The following RANBP6 variants were observed in gnomAD, a reference collection of about 807,000 sequenced individuals.
RANBP6 encodes RAN binding protein 6.
In RANBP6, 10 loss-of-function variants were observed where a neutral mutation model predicts 35.3. The ratio of observed to expected loss-of-function variants is 0.28; its 90% CI spans 0.17 to 0.48. The LOEUF is 0.48. Ranked by LOEUF, RANBP6 falls within the 20% of genes least tolerant of loss-of-function variation. The pLI, the probability that RANBP6 is intolerant of heterozygous loss-of-function variation, is 0.99. For synonymous variants in RANBP6, 514 were observed against 464.2 expected, an observed-to-expected ratio of 1.11 and a Z score of -1.38; for missense variants, 1,392 against 1,307.7, an observed-to-expected ratio of 1.06 and a Z score of -0.99.
In RANBP6 at chr9:6,014,557, G is replaced by C. The variant is rs1193786646; in HGVS notation, c.1051C>G (p.Leu351Val). ...CCAAGCCCACAAGCCAGTCTGTCTA[G>C]TGCACTCTCCGCAGCAACTGCATTG... Reference protein sequence around the residue: ...DSNAVAAESALDRLACGLGGK... With the variant: ...DSNAVAAESAVDRLACGLGGK... Residue 351 changes from leucine to valine, a missense_variant, in exon 1 of 1, where the codon CTA becomes GTA. Physicochemically the swap from Leu to Val is conservative, Grantham distance 32. Coordinates refer to ENST00000259569, the MANE Select transcript of RANBP6 (RefSeq NM_012416.4). The C allele has an allele frequency of 1.2e-6, 2 of 1,614,168 alleles. No individual in the cohort carries two copies. The highest frequency in any genetic ancestry group is 1.7e-6 in the Non-Finnish European group (2 of 1,180,040).
rs1313901627 is a variant in RANBP6 at position 6,011,835 on chromosome 9, C to T, written c.*455G>A. On this transcript the variant is annotated 3_prime_UTR_variant, in exon 1 of 1. Transcript: ENST00000259569. ...CAGCATCCTCCCATCACCACAAATA[C>T]CAAGAGTATTAATTAAAGAGGGACA... 1.3e-5 allele frequency: 2 copies of T among 153,710 alleles called. No individual in the cohort carries two copies. The highest frequency in any genetic ancestry group is 2.9e-5 in the Non-Finnish European group (2 of 69,100). 9.5% of individuals were successfully genotyped at this position (153,710 alleles called of 1,614,324 possible).
In RANBP6 at chr9:6,013,404, A is replaced by G; in HGVS notation, c.2204T>C (p.Met735Thr). The G allele has an allele frequency of 6.2e-7, 1 of 1,614,244 alleles. No homozygotes were observed. Among genetic ancestry groups the G allele is most frequent in the African/African-American group, 1.3e-5 (1 of 75,078 alleles). ...TCTTGCACATTCCAGGAGAAAAGGC[A>G]TGGACTCTGCTGCTGCCACTCGAAC... ...DNVRVAAAES[M>T]PFLLECARIR... The change falls in exon 1 of 1, where the codon ATG becomes ACG. Residue 735 changes from methionine (M) to threonine (T), a missense_variant. Physicochemically the swap from Met to Thr is moderately conservative, Grantham distance 81. Transcript: ENST00000259569.
Position 6,011,973 on chromosome 9 carries a change from T to C in RANBP6, c.*317A>G, listed in dbSNP as rs931056403. 1 of 187,598 alleles carries C rather than the reference T, an allele frequency of 5.3e-6. No homozygotes were observed. The highest frequency in any genetic ancestry group is 2.3e-5 in the African/African-American group (1 of 42,650). 11.6% of individuals were successfully genotyped at this position (187,598 alleles called of 1,614,324 possible). On this transcript the variant is annotated 3_prime_UTR_variant, in exon 1 of 1. Coordinates refer to ENST00000259569, the MANE Select transcript of RANBP6 (RefSeq NM_012416.4). ...GATAGCATGACATCTTCACATCAAG[T>C]ATACTGCTTGGCTAGCATCAATAAT...
Position 6,015,465 on chromosome 9 carries a change from C to T in RANBP6, c.143G>A (p.Cys48Tyr). The stretch of plus-strand genomic sequence containing the variant: ...GGCATCTAAGAGGAAGGTAGTCTTA[C>T]ACAGACCTGGGATATTTTCATAGAT... ...EEIYENIPGL[C>Y]KTTFLLDAVR... The change falls in exon 1 of 1, where the codon TGT (cysteine) becomes TAT (tyrosine). Residue 48 changes from cysteine to tyrosine, a missense_variant. By Grantham distance (194) the Cys-to-Tyr change is radical. Transcript: ENST00000259569. 2 of 1,614,170 alleles carry T rather than the reference C, an allele frequency of 1.2e-6. No individual in the cohort carries two copies. Among genetic ancestry groups the T allele is most frequent in the Non-Finnish European group, 1.7e-6 (2 of 1,180,048 alleles).
chr9:6,012,000 GT>G lies in RANBP6; in HGVS notation c.*289del, dbSNP rs1276019298. On this transcript the variant is annotated 3_prime_UTR_variant, in exon 1 of 1. Coordinates refer to ENST00000259569, the MANE Select transcript of RANBP6 (RefSeq NM_012416.4). ...TACTGCTTGGCTAGCATCAATAATA[GT>G]TCAAACAAATAGCAACAATTTATAT... 8.8e-6 allele frequency: 2 copies of G among 226,968 alleles called. No homozygotes were observed. Among genetic ancestry groups the G allele is most frequent in the East Asian group, 1.9e-4 (2 of 10,466 alleles). The allele number at this position is 226,968 out of a possible 1,614,324, so 14.1% of individuals were successfully genotyped here. A position where few individuals can be genotyped will look rare whatever the true frequency, so the allele number is the denominator to read the frequency against.
In RANBP6 at chr9:6,012,615, T is replaced by G; in HGVS notation, c.2993A>C (p.Asp998Ala). Residue 998 changes from aspartate to alanine, a missense_variant, in exon 1 of 1, where the codon GAT becomes GCT. Asp to Ala is a moderately radical substitution (Grantham distance 126). Coordinates refer to ENST00000259569, the MANE Select transcript of RANBP6 (RefSeq NM_012416.4). Reference sequence around the variant, plus strand: ...TGATAACCAGTGTGGAAGAACTTCATCTACATTTACACAGTTAGGCTTAAA... The same window carrying G: ...TGATAACCAGTGTGGAAGAACTTCAGCTACATTTACACAGTTAGGCTTAAA... The part of the protein sequence containing the change: ...LKFKPNCVNV[D>A]EVLPHWLSWL... The G allele has an allele frequency of 6.2e-7, 1 of 1,614,124 alleles. No individual in the cohort carries two copies. The highest frequency in any genetic ancestry group is 8.5e-7 in the Non-Finnish European group (1 of 1,179,992).
chr9:6,012,210 G>C lies in RANBP6; in HGVS notation c.*80C>G, dbSNP rs189972965. On this transcript the variant is annotated 3_prime_UTR_variant, in exon 1 of 1. Coordinates refer to ENST00000259569, the MANE Select transcript of RANBP6 (RefSeq NM_012416.4). Reference sequence around the variant, plus strand: ...CTTAGCAGGGAGAAAACAGTTCTCTGATTTATAATAAAATCTATTCACAAC... The same window carrying C: ...CTTAGCAGGGAGAAAACAGTTCTCTCATTTATAATAAAATCTATTCACAAC... 9.0e-7 allele frequency: 1 copy of C among 1,108,906 alleles called. No homozygotes were observed. Among genetic ancestry groups the C allele is most frequent in the Non-Finnish European group, 1.2e-6 (1 of 804,956 alleles). The allele number at this position is 1,108,906 out of a possible 1,614,324, so 68.7% of individuals were successfully genotyped here.
rs368154344 is a variant in RANBP6 at position 6,012,595 on chromosome 9, A to C, written c.3013T>G (p.Leu1005Val). The change falls in exon 1 of 1, where the codon TTA becomes GTA. Residue 1005 changes from leucine (L) to valine (V), a missense_variant. Transcript: ENST00000259569. ...TCTTCATGCAGTGGAAGCCATGATA[A>C]CCAGTGTGGAAGAACTTCATCTACA... ...VNVDEVLPHW[L>V]SWLPLHEDKE... is the part of the protein sequence containing the mutation. 6.2e-7 allele frequency: 1 copy of C among 1,614,104 alleles called. No homozygotes were observed. The highest frequency in any genetic ancestry group is 8.5e-7 in the Non-Finnish European group (1 of 1,180,000).
rs767813685 is a variant in RANBP6 at position 6,014,253 on chromosome 9, G to A, written c.1355C>T (p.Ala452Val). Reference sequence around the variant, plus strand: ...ATTTTCCATGGTACGTAACAGAGCTGCAATCACTGTTTCATGAAATTTCTT... The same window carrying A: ...ATTTTCCATGGTACGTAACAGAGCTACAATCACTGTTTCATGAAATTTCTT... ...FQKKFHETVI[A>V]ALLRTMENQG... is the part of the protein sequence containing the mutation. Residue 452 changes from alanine (A) to valine (V), a missense_variant, in exon 1 of 1, where the codon GCA (alanine) becomes GTA (valine). By Grantham distance (64) the Ala-to-Val change is moderately conservative. Transcript: ENST00000259569. 1 of 1,614,144 alleles carries A rather than the reference G, an allele frequency of 6.2e-7. No individual in the cohort carries two copies. The highest frequency in any genetic ancestry group is 8.5e-7 in the Non-Finnish European group (1 of 1,180,008).
chr9:6,012,424 C>T lies in RANBP6; in HGVS notation c.3184G>A (p.Glu1062Lys). 6.2e-7 allele frequency: 1 copy of T among 1,614,014 alleles called. No individual in the cohort carries two copies. The highest frequency in any genetic ancestry group is 8.5e-7 in the Non-Finnish European group (1 of 1,179,926). ...EGKINETINY[E>K]DPCAKRLANV... is the part of the protein sequence containing the mutation. ...GCTAGGCGTTTGGCACAAGGATCCTCATAGTTAATAGTCTCATTAATTTTT... is the reference window on the plus strand; with the variant it reads ...GCTAGGCGTTTGGCACAAGGATCCTTATAGTTAATAGTCTCATTAATTTTT... Residue 1062 changes from glutamate (E) to lysine (K), a missense_variant, in exon 1 of 1, where the codon GAG (glutamate) becomes AAG (lysine). By Grantham distance (56) the Glu-to-Lys change is moderately conservative. Transcript: ENST00000259569.
Position 6,011,855 on chromosome 9 carries a change from G to A in RANBP6, c.*435C>T, listed in dbSNP as rs755327757. On this transcript the variant is annotated 3_prime_UTR_variant, in exon 1 of 1. Transcript: ENST00000259569. Reference sequence around the variant, plus strand: ...AAATACCAAGAGTATTAATTAAAGAGGGACAAGCCTGCCACTATATCCTTC... The same window carrying A: ...AAATACCAAGAGTATTAATTAAAGAAGGACAAGCCTGCCACTATATCCTTC... 68 of 154,156 alleles carry A rather than the reference G, an allele frequency of 4.4e-4. No homozygotes were observed. The highest frequency in any genetic ancestry group is 8.4e-4 in the Non-Finnish European group (58 of 69,358). The allele number at this position is 154,156 out of a possible 1,614,324, so 9.5% of individuals were successfully genotyped here. A position where few individuals can be genotyped will look rare whatever the true frequency, so the allele number is the denominator to read the frequency against.
Position 6,013,705 on chromosome 9 carries a change from T to A in RANBP6, c.1903A>T (p.Ile635Phe). 1 of 1,614,132 alleles carries A rather than the reference T, an allele frequency of 6.2e-7. No individual in the cohort carries two copies. Among genetic ancestry groups the A allele is most frequent in the Middle Eastern group, 1.7e-4 (1 of 6,060 alleles). The stretch of plus-strand genomic sequence containing the variant: ...GAAGCAGTCTTAATAAGAGGCTCGA[T>A]AACCAGTGGAAGGTACTGTTGAAAA... The part of the protein sequence containing the change: ...KDFQQYLPLV[I>F]EPLIKTASAK... Residue 635 changes from isoleucine to phenylalanine, a missense_variant, in exon 1 of 1, where the codon ATC becomes TTC. Physicochemically the swap from Ile to Phe is conservative, Grantham distance 21. Transcript: ENST00000259569.
chr9:6,014,951 G>A lies in RANBP6; in HGVS notation c.657C>T (p.Phe219=). 2 of 1,614,186 alleles carry A rather than the reference G, an allele frequency of 1.2e-6. No homozygotes were observed. The highest frequency in any genetic ancestry group is 2.2e-5 in the East Asian group (1 of 44,886). ...VLANENNIAL[F]KDFADLLPGI... Reference sequence around the variant, plus strand: ...CAGGAAGCAAGTCTGCAAAGTCTTTGAAAAGAGCAATATTATTCTCATTAG... The same window carrying A: ...CAGGAAGCAAGTCTGCAAAGTCTTTAAAAAGAGCAATATTATTCTCATTAG... The change falls in exon 1 of 1, where the codon TTC becomes TTT. Residue 219 remains phenylalanine (F), a synonymous_variant. Coordinates refer to ENST00000259569, the MANE Select transcript of RANBP6 (RefSeq NM_012416.4).
At position 6,012,313 on chromosome 9, in the gene RANBP6, G is replaced by T. The variant is rs767234578; in HGVS notation, c.3295C>A (p.Gln1099Lys). 1.9e-5 allele frequency: 30 copies of T among 1,573,624 alleles called. No homozygotes were observed. In the Admixed American group the frequency reaches 4.4e-4, roughly 23 times the overall value. The change falls in exon 1 of 1, where the codon CAG (glutamine) becomes AAG (lysine). Residue 1099 changes from glutamine (Q) to lysine (K), a missense_variant. Physicochemically the swap from Gln to Lys is moderately conservative, Grantham distance 53. Coordinates refer to ENST00000259569, the MANE Select transcript of RANBP6 (RefSeq NM_012416.4). ...QLDDEQQEAL[Q>K]ELLNFA ...CTTCAAGCAAAATTTAGCAACTCCT[G>T]TAAGGCTTCCTGCTGTTCATCATCA...
chr9:6,015,567 G>A lies in RANBP6; in HGVS notation c.41C>T (p.Ser14Leu). Residue 14 changes from serine to leucine, a missense_variant, in exon 1 of 1, where the codon TCA (serine) becomes TTA (leucine). Coordinates refer to ENST00000259569, the MANE Select transcript of RANBP6 (RefSeq NM_012416.4). ...TASAGVPATVSEKQEFYQLLK... is the reference protein window; with the variant it reads ...TASAGVPATVLEKQEFYQLLK... The stretch of plus-strand genomic sequence containing the variant: ...AAGCTGGTAAAACTCTTGCTTTTCT[G>A]ACACGGTCGCCGGCACCCCTGCAGA... 3 of 1,605,896 alleles carry A rather than the reference G, an allele frequency of 1.9e-6. No individual in the cohort carries two copies. Among genetic ancestry groups the A allele is most frequent in the Non-Finnish European group, 2.5e-6 (3 of 1,179,424 alleles).
chr9:6,013,026 T>C lies in RANBP6; in HGVS notation c.2582A>G (p.Tyr861Cys), dbSNP rs1319794110. 1.2e-6 allele frequency: 2 copies of C among 1,613,614 alleles called. No homozygotes were observed. The highest frequency in any genetic ancestry group is 1.3e-5 in the African/African-American group (1 of 74,926). The change falls in exon 1 of 1, where the codon TAT becomes TGT. Residue 861 changes from tyrosine (Y) to cysteine (C), a missense_variant. Tyr to Cys is a radical substitution (Grantham distance 194). Coordinates refer to ENST00000259569, the MANE Select transcript of RANBP6 (RefSeq NM_012416.4). ...AAACCATGGTAAAATCTTTTCCTTA[T>C]AAGTACTAAATAATGAGTGCAAAAT... is the stretch of plus-strand genomic sequence containing the variant. ...SDILHSLFST[Y>C]KEKILPWFEQ...
rs1343508302 is a variant in RANBP6 at position 6,011,415 on chromosome 9, G to T, written c.*875C>A. ...ATCTCTTAGGAAATTATTTGAAATAGAAATCAATTTAAGCCCTATAACTAG... is the reference window on the plus strand; with the variant it reads ...ATCTCTTAGGAAATTATTTGAAATATAAATCAATTTAAGCCCTATAACTAG... On this transcript the variant is annotated 3_prime_UTR_variant, in exon 1 of 1. Transcript: ENST00000259569. 1 of 152,094 alleles carries T rather than the reference G, an allele frequency of 6.6e-6. No homozygotes were observed. Among genetic ancestry groups the T allele is most frequent in the East Asian group, 1.9e-4 (1 of 5,202 alleles). 9.4% of individuals were successfully genotyped at this position (152,094 alleles called of 1,614,324 possible).
Position 6,011,204 on chromosome 9 carries a change from C to A in RANBP6, c.*1086G>T, listed in dbSNP as rs1026834249. 6.6e-6 allele frequency: 1 copy of A among 152,134 alleles called. No homozygotes were observed. The highest frequency in any genetic ancestry group is 1.5e-5 in the Non-Finnish European group (1 of 68,012). The allele number at this position is 152,134 out of a possible 1,614,324, so 9.4% of individuals were successfully genotyped here. A position where few individuals can be genotyped will look rare whatever the true frequency, so the allele number is the denominator to read the frequency against. On this transcript the variant is annotated 3_prime_UTR_variant, in exon 1 of 1. Coordinates refer to ENST00000259569, the MANE Select transcript of RANBP6 (RefSeq NM_012416.4). ...GCTCTTTTCTACCCTACAATAAGCT[C>A]GACATTAAAGACTGACATTCCAATT...
At position 6,013,389 on chromosome 9, in the gene RANBP6, T is replaced by A. The variant is rs753857687; in HGVS notation, c.2219A>T (p.Glu740Val). 6.2e-7 allele frequency: 1 copy of A among 1,614,236 alleles called. No individual in the cohort carries two copies. Among genetic ancestry groups the A allele is most frequent in the South Asian group, 1.1e-5 (1 of 91,084 alleles). Residue 740 changes from glutamate to valine, a missense_variant, in exon 1 of 1, where the codon GAA (glutamate) becomes GTA (valine). Transcript: ENST00000259569. ...AAAESMPFLL[E>V]CARIRGPEYL... ...CTCTGGGCCACGAATTCTTGCACATTCCAGGAGAAAAGGCATGGACTCTGC... is the reference window on the plus strand; with the variant it reads ...CTCTGGGCCACGAATTCTTGCACATACCAGGAGAAAAGGCATGGACTCTGC...
Sources: allele counts gnomAD v4.1 joint callset, GRCh38; gene constraint gnomAD v4.1.1; transcripts MANE v1.5; gene names NCBI Gene and HGNC (gene_info 2026-07-23, HGNC 2026-07-21).